THSD7B: variants seen among roughly 807,000 people sequenced by gnomAD.
The protein encoded by THSD7B is thrombospondin type-1 domain-containing protein 7B.
THSD7B carries 138 observed loss-of-function variants against 213.6 expected under a neutral mutation model. The observed-to-expected ratio is 0.65, with a 90% CI of 0.56 to 0.74. The LOEUF is 0.74. Among genes scored for constraint, THSD7B ranks in the 30% least tolerant of loss-of-function variants. The pLI is 0.00. For synonymous variants in THSD7B, 742 were observed against 687.0 expected (o/e 1.08, Z -1.25); for missense variants, 1,931 against 1,991.5 (o/e 0.97, Z 0.58).
At chr2:136,877,078 C>T (rs534396650) in intron 1 of THSD7B, among the ~76,000 whole-genome samples, 91 of 142,740 alleles carry the variant, frequency 6.4e-4, no homozygotes, top group African/African-American at 2.3e-3. Flanking sequence ...CCAGTGCGCC[C>T]GTATGTGCAT....
At chr2:137,312,745 T>A (rs973743431) in intron 12 of THSD7B, among the ~76,000 whole-genome samples, 1 of 149,896 alleles carries the variant, frequency 6.7e-6, no homozygotes, top group Non-Finnish European at 1.5e-5. Flanking sequence ...TCTTTATTTC[T>A]GCCTTCATTT....
At chr2:137,186,924 T>A (rs968317587) in intron 7 of THSD7B, among the ~76,000 whole-genome samples, 1 of 152,164 alleles carries the variant, frequency 6.6e-6, no homozygotes, top group Non-Finnish European at 1.5e-5. Flanking sequence ...ATCTTTCACC[T>A]CCTTGGTAAG....
At chr2:137,232,340 G>C (rs913117824) in intron 8 of THSD7B, among the ~76,000 whole-genome samples, 4 of 152,040 alleles carry the variant, frequency 2.6e-5, no homozygotes, top group Non-Finnish European at 4.4e-5. Flanking sequence ...TTTAAGGAGG[G>C]GTTTTCTTCT....
chr2:136,835,972 G>T (rs969370335), intron 1 of THSD7B, among the ~76,000 whole-genome samples: 3 of 152,160 alleles, frequency 2.0e-5, no homozygotes, highest in African/African-American at 7.2e-5. Context: ...TATTTAGGAA[G>T]TTTGCGACTA....
intron 2 of THSD7B, among the ~76,000 whole-genome samples, chr2:136,965,293 T>G (rs1300155185): frequency 6.6e-6 from 1 of 152,174 alleles, no homozygotes; most frequent in Non-Finnish European, 1.5e-5. Context: ...TTGCCTCTCT[T>G]ATGGAGTTTA....
At chr2:136,928,109 T>C (rs530950850) in intron 2 of THSD7B, among the ~76,000 whole-genome samples, 1 of 152,294 alleles carries the variant, frequency 6.6e-6, no homozygotes, top group Non-Finnish European at 1.5e-5. Context: ...CTTGAAAATA[T>C]CATAAGTAGA....
At chr2:136,960,188 C>T (rs576092096) in intron 2 of THSD7B, among the ~76,000 whole-genome samples, 4 of 152,076 alleles carry the variant, frequency 2.6e-5, no homozygotes, top group East Asian at 1.9e-4. Flanking sequence ...AGTGCAATGG[C>T]GTGATCATGG....
At chr2:137,618,742 T>A (rs1283761437) in intron 19 of THSD7B, among the ~76,000 whole-genome samples, 2 of 152,200 alleles carry the variant, frequency 1.3e-5, no homozygotes, top group Admixed American at 6.5e-5. Context: ...AAAAAATATA[T>A]GTTTTTATTA....
At chr2:137,258,867 G>T (rs1682372049) in intron 10 of THSD7B, among the ~76,000 whole-genome samples, 1 of 151,748 alleles carries the variant, frequency 6.6e-6, no homozygotes, top group Non-Finnish European at 1.5e-5. Context: ...CCTGAAGCGT[G>T]TTGTTCCCTC....
At chr2:137,519,541 T>C (rs1455372212) in intron 15 of THSD7B, among the ~76,000 whole-genome samples, 1 of 152,170 alleles carries the variant, frequency 6.6e-6, no homozygotes, top group African/African-American at 2.4e-5. Context: ...ACAGAATGTC[T>C]CACTTCTTAC....
intron 20 of THSD7B, among the ~76,000 whole-genome samples, chr2:137,630,425 C>G (rs1176532370): frequency 6.6e-6 from 1 of 152,186 alleles, no homozygotes; most frequent in African/African-American, 2.4e-5. Context: ...TTATTCCCCA[C>G]CATCCCCAAA....
chr2:137,317,939 G>GA (rs1460474843), intron 12 of THSD7B, among the ~76,000 whole-genome samples: 3 of 151,934 alleles, frequency 2.0e-5, no homozygotes, highest in African/African-American at 7.3e-5. Flanking sequence ...TGGGGGAGGG[G>GA]GGAAGAAAAA....
intron 21 of THSD7B, among the ~76,000 whole-genome samples, chr2:137,651,025 C>G (rs1683127757): frequency 6.6e-6 from 1 of 152,068 alleles, no homozygotes; most frequent in South Asian, 2.1e-4. Flanking sequence ...TGATACTGGC[C>G]TATAGTTTTC....
intron 20 of THSD7B, among the ~76,000 whole-genome samples, chr2:137,626,569 T>C (rs1573751726): frequency 6.6e-6 from 1 of 152,226 alleles, no homozygotes; most frequent in South Asian, 2.1e-4. Context: ...CTACTCTTTT[T>C]AGCAAAGGGT....
chr2:137,455,527 A>C (rs1687746032), intron 15 of THSD7B, among the ~76,000 whole-genome samples: 1 of 152,198 alleles, frequency 6.6e-6, no homozygotes, highest in Admixed American at 6.5e-5. Context: ...ATCATCTTTC[A>C]TAAAAGCCTC....
chr2:136,866,935 A>G (rs966509018), intron 1 of THSD7B, among the ~76,000 whole-genome samples: 2 of 107,168 alleles, frequency 1.9e-5, no homozygotes, highest in East Asian at 2.3e-4. Flanking sequence ...TGGCTTTTCT[A>G]GCCCAGTTCT....
chr2:137,346,957 G>T (rs983545407), intron 12 of THSD7B, among the ~76,000 whole-genome samples: 9 of 151,630 alleles, frequency 5.9e-5, no homozygotes, highest in African/African-American at 2.2e-4. Flanking sequence ...AAGCGGAATT[G>T]CTGGATCATA....
chr2:137,087,901 A>C (rs1687869570), intron 3 of THSD7B, among the ~76,000 whole-genome samples: 1 of 152,154 alleles, frequency 6.6e-6, no homozygotes, highest in African/African-American at 2.4e-5. Context: ...ATTTCAAACT[A>C]TATTATAAGG....
intron 20 of THSD7B, among the ~76,000 whole-genome samples, chr2:137,638,216 A>G (rs982618848): frequency 1.3e-5 from 2 of 152,192 alleles, no homozygotes; most frequent in Non-Finnish European, 2.9e-5. Flanking sequence ...TCAAACTTGA[A>G]TTGTATCTCC....
Sources: gnomAD v4.1 joint callset for allele counts (sites outside exome capture counted in the v4.1 genomes callset) on GRCh38, gnomAD v4.1.1 for gene constraint, MANE v1.5 for transcripts, NCBI Gene and HGNC (gene_info 2026-07-23, HGNC 2026-07-21) for gene names.